The following MAP1LC3B2 variants were observed in gnomAD, a reference collection of about 807,000 sequenced individuals.
The protein encoded by MAP1LC3B2 is microtubule associated protein 1 light chain 3 beta 2, also known as microtubule-associated protein 1 light chain 3 beta 2.
For missense variants in MAP1LC3B2, 155 were observed against 154.6 expected (o/e 1.00, Z -0.01); for synonymous variants, 62 against 57.8 (o/e 1.07, Z -0.33).
At chr12:116,570,664 C>G (rs201734119) in intron 1 of MAP1LC3B2, among the ~76,000 whole-genome samples, 2 of 152,160 alleles carry the variant, frequency 1.3e-5, no homozygotes, top group Non-Finnish European at 2.9e-5. Context: ...GTAAGATGTG[C>G]CTTTTGCCTT....
chr12:116,575,760 G>A (rs1869654456), intron 1 of MAP1LC3B2, 82 bp from the exon 2 acceptor site: 1 of 664,238 alleles, frequency 1.5e-6, no homozygotes, highest in East Asian at 2.7e-5. Flanking sequence ...AGAACAGATA[G>A]TAAATATATG....
intron 1 of MAP1LC3B2, among the ~76,000 whole-genome samples, chr12:116,574,229 C>T (rs1869613315): frequency 7.1e-6 from 1 of 140,234 alleles, no homozygotes; most frequent in Non-Finnish European, 1.5e-5. Context: ...AAATTTATTG[C>T]AGTATCGTTT....
At chr12:116,573,201 G>A (rs78318866) in intron 1 of MAP1LC3B2, among the ~76,000 whole-genome samples, 6,035 of 152,226 alleles carry the variant, frequency 0.04, 373 homozygotes, top group African/African-American at 0.13. Flanking sequence ...TGGCATTACA[G>A]GCATGAGCTA....
chr12:116,574,747 G>A (rs187969151), intron 1 of MAP1LC3B2, among the ~76,000 whole-genome samples: 1 of 151,614 alleles, frequency 6.6e-6, no homozygotes, highest in Non-Finnish European at 1.5e-5. Context: ...GTAGAGACAG[G>A]GTTTTGCTAT....
intron 1 of MAP1LC3B2, chr12:116,560,029 A>G: frequency 6.6e-6 from 1 of 151,538 alleles, no homozygotes; most frequent in Non-Finnish European, 1.5e-5. Context: ...AAAACCTCAA[A>G]ACAAAAGAGA....
At chr12:116,564,489 C>G (rs1329046261) in intron 1 of MAP1LC3B2, among the ~76,000 whole-genome samples, 1 of 151,968 alleles carries the variant, frequency 6.6e-6, no homozygotes. Context: ...AAAGGTGTAG[C>G]CTCACAGTGG....
intron 1 of MAP1LC3B2, among the ~76,000 whole-genome samples, chr12:116,567,766 AT>A (rs761019035): frequency 5.4e-4 from 82 of 150,558 alleles, no homozygotes; most frequent in African/African-American, 1.8e-3. Flanking sequence ...AAATAAAAAA[AT>A]ATATATATAT....
intron 1 of MAP1LC3B2, among the ~76,000 whole-genome samples, chr12:116,568,988 T>C (rs1454501155): frequency 2.0e-5 from 3 of 151,536 alleles, no homozygotes; most frequent in Non-Finnish European, 2.9e-5. Context: ...GCCTCCTGCG[T>C]ACCTGGGATT....
intron 1 of MAP1LC3B2, among the ~76,000 whole-genome samples, chr12:116,574,083 C>T (rs934564386): frequency 8.6e-5 from 13 of 152,042 alleles, no homozygotes; most frequent in Admixed American, 7.9e-4. Flanking sequence ...TGGGGGAGGT[C>T]TGTAAATTAT....
At chr12:116,560,245 T>TGTATGTAC (rs1566022625) in intron 1 of MAP1LC3B2, among the ~76,000 whole-genome samples, 2 of 134,234 alleles carry the variant, frequency 1.5e-5, no homozygotes, top group Non-Finnish European at 3.2e-5. Flanking sequence ...TATATATGTA[T>TGTATGTAC]GTATATGTAT....
chr12:116,568,382 C>G (rs868084156), intron 1 of MAP1LC3B2, among the ~76,000 whole-genome samples: 1 of 152,266 alleles, frequency 6.6e-6, no homozygotes, highest in African/African-American at 2.4e-5. Context: ...GCCCTGCAGA[C>G]TTATTTGCTC....
intron 1 of MAP1LC3B2, among the ~76,000 whole-genome samples, chr12:116,571,691 C>T (rs1027556197): frequency 1.6e-4 from 24 of 151,410 alleles, no homozygotes; most frequent in Admixed American, 1.3e-3. Context: ...CCGTGTTAGC[C>T]AGGATGGTCT....
chr12:116,568,869 T>TC (rs1869454944), intron 1 of MAP1LC3B2, among the ~76,000 whole-genome samples: 1 of 14,912 alleles, frequency 6.7e-5, no homozygotes. Context: ...CTTTTCTTTC[T>TC]TTTTTTTTTT....
At chr12:116,571,080 A>C (rs1869516528) in intron 1 of MAP1LC3B2, among the ~76,000 whole-genome samples, 1 of 152,244 alleles carries the variant, frequency 6.6e-6, no homozygotes, top group East Asian at 1.9e-4. Flanking sequence ...TGGCCAAAAC[A>C]AACGGCTTAA....
Position 116,576,263 on chromosome 12 carries a change from A to T in MAP1LC3B2, c.321A>T (p.Gly107=). ...EVYESEKDED[G]FLYMVCASQE... ...ATGAGAGTGAGAAAGATGAAGATGG[A>T]TTCCTGTACATGGTCTGTGCCTCCC... The change falls in exon 2 of 2, where the codon GGA becomes GGT. Residue 107 remains glycine (G), a synonymous_variant. Transcript: ENST00000556529. 4 of 1,614,144 alleles carry T rather than the reference A, an allele frequency of 2.5e-6. No individual in the cohort carries two copies. Among genetic ancestry groups the T allele is most frequent in the Non-Finnish European group, 3.4e-6 (4 of 1,180,028 alleles).
At chr12:116,562,745 G>A (rs1174187986) in intron 1 of MAP1LC3B2, among the ~76,000 whole-genome samples, 1 of 152,144 alleles carries the variant, frequency 6.6e-6, no homozygotes, top group East Asian at 1.9e-4. Flanking sequence ...AGATGAGCTG[G>A]TATCTGAAAT....
chr12:116,568,816 G>C (rs948697000), intron 1 of MAP1LC3B2, among the ~76,000 whole-genome samples: 1 of 151,672 alleles, frequency 6.6e-6, no homozygotes, highest in Admixed American at 6.6e-5. Flanking sequence ...CTGGCACCCT[G>C]ATATTGGACT....
chr12:116,570,551 C>T (rs1295277003), intron 1 of MAP1LC3B2, among the ~76,000 whole-genome samples: 1 of 152,100 alleles, frequency 6.6e-6, no homozygotes, highest in Admixed American at 6.6e-5. Flanking sequence ...GGCAGTTTCC[C>T]CCATACTGTT....
intron 1 of MAP1LC3B2, chr12:116,559,926 A>G (rs1330706303): frequency 6.6e-6 from 1 of 152,030 alleles, no homozygotes; most frequent in African/African-American, 2.4e-5. Flanking sequence ...TTGCTGAGTC[A>G]GAAGAATCCC....
Sources: gnomAD v4.1 joint callset for allele counts (sites outside exome capture counted in the v4.1 genomes callset) on GRCh38, gnomAD v4.1.1 for gene constraint, MANE v1.5 for transcripts, NCBI Gene and HGNC (gene_info 2026-07-23, HGNC 2026-07-21) for gene names.